The following NPR3 variants were observed in gnomAD, a reference collection of about 807,000 sequenced individuals.
NPR3 encodes the protein natriuretic peptide receptor 3.
In NPR3, 34 loss-of-function variants were observed where a neutral mutation model predicts 54.5. The observed-to-expected ratio is 0.62, with a 90% CI of 0.47 to 0.83. The LOEUF is 0.83. Among genes scored for constraint, NPR3 ranks in the 40% least tolerant of loss-of-function variants. The probability of loss-of-function intolerance (pLI) is 0.00; values close to 1 mark genes in which losing one functional copy is unlikely to be tolerated. For synonymous variants in NPR3, 289 were observed against 297.1 expected (o/e 0.97, Z 0.28); for missense variants, 674 against 720.8 (o/e 0.94, Z 0.74).
chr5:32,755,351 T>C (rs1325361557), intron 3 of NPR3, among the ~76,000 whole-genome samples: 1 of 152,254 alleles, frequency 6.6e-6, no homozygotes, highest in African/African-American at 2.4e-5. Flanking sequence ...CAGATGTGGT[T>C]TATTTGACCT....
At chr5:32,711,121 G>T (rs980610427), upstream of NPR3, among the ~76,000 whole-genome samples, 3 of 152,030 alleles carry the variant, frequency 2.0e-5, no homozygotes, top group Non-Finnish European at 4.4e-5. Context: ...GGACAGGGGC[G>T]CGATGGGTAG....
chr5:32,732,686 G>A (rs1739526305), intron 2 of NPR3, among the ~76,000 whole-genome samples: 1 of 152,214 alleles, frequency 6.6e-6, no homozygotes, highest in South Asian at 2.1e-4. Context: ...CAGTAGTAAA[G>A]GGCCTTGTTT....
chr5:32,706,975 G>C (rs190223937), upstream of NPR3, among the ~76,000 whole-genome samples: 4 of 152,148 alleles, frequency 2.6e-5, no homozygotes, highest in Admixed American at 1.3e-4. Context: ...TGAACTTTTT[G>C]AAGTCCCCAT....
At chr5:32,743,720 G>A (rs571856791) in intron 3 of NPR3, among the ~76,000 whole-genome samples, 4 of 152,266 alleles carry the variant, frequency 2.6e-5, no homozygotes, top group African/African-American at 9.6e-5. Flanking sequence ...GCTATTAGCA[G>A]CCTGTAAATT....
At chr5:32,705,146 T>C (rs1737952112), upstream of NPR3, among the ~76,000 whole-genome samples, 1 of 152,144 alleles carries the variant, frequency 6.6e-6, no homozygotes, top group Non-Finnish European at 1.5e-5. Context: ...GAAGCTTGGG[T>C]TGAAAAATGC....
chr5:32,763,071 C>T (rs1741261708), intron 3 of NPR3, among the ~76,000 whole-genome samples: 1 of 152,152 alleles, frequency 6.6e-6, no homozygotes, highest in African/African-American at 2.4e-5. Context: ...TTTTCCAACA[C>T]CATTTATTAA....
chr5:32,725,705 T>C (rs1456518640), intron 2 of NPR3, among the ~76,000 whole-genome samples: 1 of 152,256 alleles, frequency 6.6e-6, no homozygotes, highest in Non-Finnish European at 1.5e-5. Context: ...AGAAAGCTTT[T>C]ACTTTAGTAA....
chr5:32,712,331 C>T lies in NPR3; in HGVS notation c.555C>T (p.Gly185=), dbSNP rs766570427. The T allele has an allele frequency of 2.5e-6, 4 of 1,613,412 alleles. No individual in the cohort carries two copies. The highest frequency in any genetic ancestry group is 1.7e-5 in the Admixed American group (1 of 60,022). ...TRVAPAYAKM[G]EMMLALFRHH... ...TGGCGCCCGCCTACGCCAAGATGGG[C>T]GAGATGATGCTCGCCCTGTTCCGCC... Residue 185 remains glycine (G), a synonymous_variant, in exon 1 of 8, where the codon GGC becomes GGT. Coordinates refer to ENST00000265074, the MANE Select transcript of NPR3 (RefSeq NM_001204375.2).
At chr5:32,696,749 T>C (rs1411685048) in intron 1 of NPR3, among the ~76,000 whole-genome samples, 1 of 152,182 alleles carries the variant, frequency 6.6e-6, no homozygotes, top group Non-Finnish European at 1.5e-5. Context: ...TTTTATTTTA[T>C]TTTTAGCTGT....
chr5:32,777,272 A>G (rs1381325750), intron 4 of NPR3, among the ~76,000 whole-genome samples: 1 of 152,186 alleles, frequency 6.6e-6, no homozygotes, highest in Non-Finnish European at 1.5e-5. Flanking sequence ...ATATATGCTT[A>G]TGGGTATCAC....
chr5:32,736,548 G>C (rs941836650), intron 2 of NPR3, among the ~76,000 whole-genome samples: 1 of 152,156 alleles, frequency 6.6e-6, no homozygotes, highest in East Asian at 1.9e-4. Context: ...AATTAAAAAT[G>C]AATCAATAAC....
chr5:32,756,820 A>G (rs527550259), intron 3 of NPR3, among the ~76,000 whole-genome samples: 9 of 152,316 alleles, frequency 5.9e-5, no homozygotes, highest in Admixed American at 1.3e-4. Flanking sequence ...CTTTCTACAT[A>G]TGGCTAGCCA....
chr5:32,766,127 A>G (rs1335107554), intron 3 of NPR3, among the ~76,000 whole-genome samples: 1 of 152,202 alleles, frequency 6.6e-6, no homozygotes, highest in African/African-American at 2.4e-5. Flanking sequence ...TGCTGTGGGT[A>G]TATATCAGCA....
intron 4 of NPR3, among the ~76,000 whole-genome samples, chr5:32,778,862 A>G (rs1173882030): frequency 6.6e-6 from 1 of 152,238 alleles, no homozygotes; most frequent in Non-Finnish European, 1.5e-5. Context: ...TTAGCAGGAC[A>G]CAACATCACA....
At chr5:32,710,915 T>TGTGTGTGG (rs1245536223), upstream of NPR3, 7 of 898,774 alleles carry the variant, frequency 7.8e-6, no homozygotes, top group Non-Finnish European at 1.1e-5. Flanking sequence ...TGTGTGTGTG[T>TGTGTGTGG]GTATGTGTGC....
Position 32,711,487 on chromosome 5 carries a change from GCGAATAT to G in NPR3, c.-289_-283del. 1 of 1,148,050 alleles carries G rather than the reference GCGAATAT, an allele frequency of 8.7e-7. No homozygotes were observed. The allele number at this position is 1,148,050 out of a possible 1,614,324, so 71.1% of individuals were successfully genotyped here. ...AAAATAGTATATGTATAAACGGAGGGCGAATATATACAAGTATATATATATGTATATT... is the reference window on the plus strand; with the variant it reads ...AAAATAGTATATGTATAAACGGAGGGATACAAGTATATATATATGTATATT... On this transcript the variant is annotated 5_prime_UTR_variant, in exon 1 of 8. An upstream open reading frame in the 5' UTR loses its in-frame stop. Coordinates refer to ENST00000265074, the MANE Select transcript of NPR3 (RefSeq NM_001204375.2).
chr5:32,718,740 G>A (rs1431499429), intron 1 of NPR3, among the ~76,000 whole-genome samples: 4 of 152,214 alleles, frequency 2.6e-5, no homozygotes, highest in Admixed American at 6.5e-5. Context: ...AGCTTAAGGA[G>A]ATTTTGGGCT....
At chr5:32,718,492 T>C (rs1388053447) in intron 1 of NPR3, among the ~76,000 whole-genome samples, 3 of 152,252 alleles carry the variant, frequency 2.0e-5, no homozygotes, top group Admixed American at 2.0e-4. Flanking sequence ...TTCTTTCATT[T>C]GTTTGTGTCC....
intron 2 of NPR3, among the ~76,000 whole-genome samples, chr5:32,736,326 ACTT>A (rs1739748913): frequency 6.6e-6 from 1 of 151,660 alleles, no homozygotes; most frequent in African/African-American, 2.4e-5. Context: ...ATTGGATTTT[ACTT>A]CTTTGCAAAT....
Sources: gnomAD v4.1 joint callset for allele counts (sites outside exome capture counted in the v4.1 genomes callset) on GRCh38, gnomAD v4.1.1 for gene constraint, MANE v1.5 for transcripts, NCBI Gene and HGNC (gene_info 2026-07-23, HGNC 2026-07-21) for gene names.